The following SLAMF1 variants were observed in gnomAD, a reference collection of about 807,000 sequenced individuals.
The protein encoded by SLAMF1 is signaling lymphocytic activation molecule family member 1.
SLAMF1 carries 18 observed loss-of-function variants against 35.1 expected under a neutral mutation model. The observed-to-expected ratio is 0.51, with a 90% CI of 0.35 to 0.76. SLAMF1 has a LOEUF of 0.76. Ranked by LOEUF, SLAMF1 falls within the 30% of genes least tolerant of loss-of-function variation. The pLI is 0.01. For missense variants in SLAMF1, 392 were observed against 413.0 expected, an observed-to-expected ratio of 0.95 and a Z score of 0.44; for synonymous variants, 168 against 157.2, an observed-to-expected ratio of 1.07 and a Z score of -0.51.
At chr1:160,643,861 A>G (rs956081561) in intron 1 of SLAMF1, among the ~76,000 whole-genome samples, 5 of 152,214 alleles carry the variant, frequency 3.3e-5, no homozygotes, top group African/African-American at 1.2e-4. Flanking sequence ...AGACCTATAC[A>G]TTTGGAAAGA....
chr1:160,638,205 G>A (rs895490286), intron 1 of SLAMF1, among the ~76,000 whole-genome samples: 1 of 151,536 alleles, frequency 6.6e-6, no homozygotes, highest in Admixed American at 6.6e-5. Flanking sequence ...GGTTCCTGCT[G>A]CTGATTATTT....
At chr1:160,612,691 CCAGT>C in intron 5 of SLAMF1, 111 bp from the exon 6 acceptor site, 1 of 655,450 alleles carries the variant, frequency 1.5e-6, no homozygotes, top group East Asian at 2.8e-5. Flanking sequence ...AAAGTTCCTT[CCAGT>C]CATTTGGTCC....
intron 3 of SLAMF1, 105 bp from the exon 4 acceptor site, chr1:160,624,290 C>G (rs1659766550): frequency 3.6e-6 from 3 of 833,870 alleles, no homozygotes; most frequent in Admixed American, 2.2e-5. Flanking sequence ...TTTCTGCATT[C>G]TCTCCCAAGG....
chr1:160,612,424 T>A (rs533255655), intron 6 of SLAMF1, 64 bp downstream of exon 6: 9 of 1,077,416 alleles, frequency 8.4e-6, no homozygotes, highest in East Asian at 7.6e-5. Context: ...AAAAAAAAAC[T>A]TCCTCATTTT....
intron 2 of SLAMF1, 91 bp downstream of exon 2, chr1:160,637,100 G>T: frequency 7.5e-6 from 6 of 797,436 alleles, no homozygotes; most frequent in Non-Finnish European, 1.1e-5. Context: ...TTCCAATTCT[G>T]AATACCCTTT....
chr1:160,615,115 A>C (rs967998974), intron 5 of SLAMF1, among the ~76,000 whole-genome samples: 1 of 152,268 alleles, frequency 6.6e-6, no homozygotes, highest in South Asian at 2.1e-4. Flanking sequence ...AGGCATTGTT[A>C]GTTTTTAAAT....
At chr1:160,614,611 C>G (rs896253006) in intron 5 of SLAMF1, among the ~76,000 whole-genome samples, 1 of 150,742 alleles carries the variant, frequency 6.6e-6, no homozygotes, top group Admixed American at 6.6e-5. Context: ...CCTTTATCAA[C>G]AGATGCAACC....
At chr1:160,622,036 T>C (rs1220268198) in intron 4 of SLAMF1, among the ~76,000 whole-genome samples, 1 of 152,122 alleles carries the variant, frequency 6.6e-6, no homozygotes, top group Admixed American at 6.5e-5. Flanking sequence ...CAGACTACAG[T>C]CCTCAAAGAC....
chr1:160,614,752 C>T (rs164280), intron 5 of SLAMF1, among the ~76,000 whole-genome samples: 57,424 of 151,988 alleles, frequency 0.38, 13,960 homozygotes, highest in African/African-American at 0.69. Flanking sequence ...AGAAGTCACC[C>T]ATAGTCCTAT....
intron 5 of SLAMF1, among the ~76,000 whole-genome samples, chr1:160,617,819 T>A (rs994959210): frequency 5.3e-5 from 8 of 152,196 alleles, no homozygotes; most frequent in African/African-American, 1.7e-4. Context: ...ACATCTGTAA[T>A]CCCAGCACTT....
chr1:160,618,256 C>T (rs1433981961), intron 5 of SLAMF1, among the ~76,000 whole-genome samples: 2 of 151,830 alleles, frequency 1.3e-5, no homozygotes, highest in South Asian at 2.1e-4. Flanking sequence ...TGCAGAAAAA[C>T]AAATTAGGAA....
chr1:160,633,559 C>G (rs917997098), intron 3 of SLAMF1, among the ~76,000 whole-genome samples: 1 of 152,178 alleles, frequency 6.6e-6, no homozygotes. Context: ...CCCATTGGAA[C>G]GATTCCTATG....
chr1:160,616,824 TAAAATTA>T (rs1156679751), intron 5 of SLAMF1, among the ~76,000 whole-genome samples: 183 of 152,324 alleles, frequency 1.2e-3, no homozygotes, highest in African/African-American at 4.3e-3. Flanking sequence ...ACAGTAGGAC[TAAAATTA>T]GACTGTTAAT....
intron 5 of SLAMF1, 66 bp downstream of exon 5, chr1:160,619,710 G>C: frequency 9.7e-7 from 1 of 1,031,314 alleles, no homozygotes; most frequent in African/African-American, 1.6e-5. Context: ...CAACAGGCAA[G>C]GTAGACTGGC....
At chr1:160,624,601 T>C (rs1659784576) in intron 3 of SLAMF1, among the ~76,000 whole-genome samples, 1 of 152,222 alleles carries the variant, frequency 6.6e-6, no homozygotes, top group Non-Finnish European at 1.5e-5. Flanking sequence ...ATTCACGCTA[T>C]TCTCATGAGA....
At position 160,637,289 on chromosome 1, in the gene SLAMF1, C is replaced by A; in HGVS notation, c.317G>T (p.Gly106Val). ...YKFYLENLTL[G>V]IRESRKEDEG... ...ATCCTCCTTCCTGCTTTCCCGTATC[C>A]CCAGGGTGAGATTCTCCAGATAAAA... Residue 106 changes from glycine (G) to valine (V), a missense_variant, in exon 2 of 7, where the codon GGG (glycine) becomes GTG (valine). By Grantham distance (109) the Gly-to-Val change is moderately radical. Transcript: ENST00000302035. The A allele has an allele frequency of 6.2e-7, 1 of 1,613,906 alleles. No homozygotes were observed. Among genetic ancestry groups the A allele is most frequent in the East Asian group, 2.2e-5 (1 of 44,878 alleles).
intron 5 of SLAMF1, among the ~76,000 whole-genome samples, chr1:160,614,720 A>C (rs988087982): frequency 2.6e-5 from 4 of 152,256 alleles, no homozygotes; most frequent in African/African-American, 9.6e-5. Flanking sequence ...CAGAAGTTTT[A>C]GAAAGGAGAA....
chr1:160,624,226 T>C, intron 3 of SLAMF1, 41 bp from the exon 4 acceptor site: 10 of 1,388,816 alleles, frequency 7.2e-6, no homozygotes, highest in Non-Finnish European at 1.0e-5. Flanking sequence ...TCAAAAGTAT[T>C]CTGAGCTTAA....
At chr1:160,632,904 C>T (rs1660238048) in intron 3 of SLAMF1, among the ~76,000 whole-genome samples, 1 of 152,134 alleles carries the variant, frequency 6.6e-6, no homozygotes, top group Non-Finnish European at 1.5e-5. Flanking sequence ...CTGTGTGTGA[C>T]CTTACTTAAC....
Sources: gnomAD v4.1 joint callset for allele counts (sites outside exome capture counted in the v4.1 genomes callset) on GRCh38, gnomAD v4.1.1 for gene constraint, MANE v1.5 for transcripts, NCBI Gene and HGNC (gene_info 2026-07-23, HGNC 2026-07-21) for gene names.